GRM1: variants seen among roughly 807,000 people sequenced by gnomAD.
GRM1 encodes the protein metabotropic glutamate receptor 1.
In GRM1, 33 loss-of-function variants were observed where a neutral mutation model predicts 90.9. That is an observed-to-expected ratio of 0.36 (90% CI 0.28 to 0.49). GRM1 has a LOEUF of 0.49. GRM1 is among the 20% of genes least tolerant of loss of function. The pLI is 0.99. For synonymous variants in GRM1, 700 were observed against 613.2 expected, an observed-to-expected ratio of 1.14 and a Z score of -2.09; for missense variants, 1,190 against 1,534.3, an observed-to-expected ratio of 0.78 and a Z score of 3.75.
chr6:146,170,482 C>G lies in GRM1; in HGVS notation c.950+10885C>G, dbSNP rs552564462. On this transcript the variant is annotated intron_variant, in intron 2 of 7. Transcript: ENST00000282753. ...TTTTTATTGTTGTTCTATTTTCTGTCTGTTCTTTGGGTTTTGTAATCGTTA... is the reference window on the plus strand; with the variant it reads ...TTTTTATTGTTGTTCTATTTTCTGTGTGTTCTTTGGGTTTTGTAATCGTTA... Among the ~76,000 whole-genome samples, 7 of 152,072 alleles carry G rather than the reference C, an allele frequency of 4.6e-5. No homozygotes were observed. The South Asian group carries it at 1.2e-3, about 27-fold the overall frequency.
chr6:146,351,109 A>G (rs775846130), intron 3 of GRM1, among the ~76,000 whole-genome samples: 5 of 152,134 alleles, frequency 3.3e-5, no homozygotes, highest in African/African-American at 9.7e-5. Context: ...CATCCTAAAT[A>G]TTTCTCTGCT....
intron 3 of GRM1, among the ~76,000 whole-genome samples, chr6:146,306,539 T>G (rs935481944): frequency 1.3e-5 from 2 of 152,204 alleles, no homozygotes; most frequent in African/African-American, 4.8e-5. Context: ...TGTAATATCT[T>G]TGTAGTCAAA....
chr6:146,236,640 G>A (rs565472282), intron 2 of GRM1, among the ~76,000 whole-genome samples: 1 of 151,968 alleles, frequency 6.6e-6, no homozygotes, highest in South Asian at 2.1e-4. Flanking sequence ...CCTCCACAAG[G>A]GTGAGGGAAT....
At chr6:146,043,789 A>ATC (rs1333505151) in intron 1 of GRM1, among the ~76,000 whole-genome samples, 22 of 129,064 alleles carry the variant, frequency 1.7e-4, no homozygotes, top group African/African-American at 4.5e-4. Flanking sequence ...GGTGATATAT[A>ATC]TATATATATA....
chr6:146,258,852 C>T (rs774368672), intron 2 of GRM1, among the ~76,000 whole-genome samples: 4 of 152,280 alleles, frequency 2.6e-5, no homozygotes, highest in Non-Finnish European at 4.4e-5. Context: ...ACTAAATCCA[C>T]GACAGCAGGG....
intron 1 of GRM1, among the ~76,000 whole-genome samples, chr6:146,142,500 C>T (rs1239922604): frequency 1.3e-5 from 2 of 152,072 alleles, no homozygotes; most frequent in Non-Finnish European, 2.9e-5. Flanking sequence ...TTCCCCCAGG[C>T]CTGGGTGGAT....
intron 1 of GRM1, among the ~76,000 whole-genome samples, chr6:146,127,826 G>T (rs1351866711): frequency 6.6e-6 from 1 of 152,128 alleles, no homozygotes; most frequent in Non-Finnish European, 1.5e-5. Flanking sequence ...CCCAAATTTA[G>T]TGGTTTAAAT....
At chr6:146,371,754 A>G (rs1311783453) in intron 5 of GRM1, among the ~76,000 whole-genome samples, 1 of 152,060 alleles carries the variant, frequency 6.6e-6, no homozygotes, top group Non-Finnish European at 1.5e-5. Flanking sequence ...ACTTAACATA[A>G]TAATCTCAAG....
At chr6:146,128,113 T>A (rs1583041533) in intron 1 of GRM1, among the ~76,000 whole-genome samples, 1 of 152,026 alleles carries the variant, frequency 6.6e-6, no homozygotes, top group Non-Finnish European at 1.5e-5. Flanking sequence ...TATCCCTAGG[T>A]GTACAGGAAA....
chr6:146,409,558 G>C (rs557409401), intron 7 of GRM1, among the ~76,000 whole-genome samples: 5 of 152,132 alleles, frequency 3.3e-5, no homozygotes, highest in Admixed American at 3.3e-4. Context: ...TTTTGTTTTT[G>C]TTTTGTTTTG....
chr6:146,041,039 G>A (rs1791081923), intron 1 of GRM1, among the ~76,000 whole-genome samples: 1 of 151,264 alleles, frequency 6.6e-6, no homozygotes, highest in Admixed American at 6.6e-5. Flanking sequence ...TTAACCCTCT[G>A]ATGCATTTTT....
At chr6:146,255,888 A>G (rs77015067) in intron 2 of GRM1, among the ~76,000 whole-genome samples, 1,736 of 152,076 alleles carry the variant, frequency 0.011, 72 homozygotes, top group East Asian at 0.079. Flanking sequence ...TCACTCTTCA[A>G]TCTACTAAAA....
chr6:146,254,485 A>G (rs2114773102), intron 2 of GRM1, among the ~76,000 whole-genome samples: 1 of 152,322 alleles, frequency 6.6e-6, no homozygotes, highest in Non-Finnish European at 1.5e-5. Flanking sequence ...GATTTATTAA[A>G]TTGATGACTT....
At chr6:146,192,199 G>T (rs1728068262) in intron 2 of GRM1, among the ~76,000 whole-genome samples, 1 of 152,150 alleles carries the variant, frequency 6.6e-6, no homozygotes. Context: ...TAATGAGAAT[G>T]GTTATGGTAA....
At chr6:146,241,172 G>T (rs1436297975) in intron 2 of GRM1, among the ~76,000 whole-genome samples, 1 of 152,108 alleles carries the variant, frequency 6.6e-6, no homozygotes, top group Non-Finnish European at 1.5e-5. Context: ...GATTTTTGAG[G>T]GAAATGAGGA....
chr6:146,332,982 G>C (rs1054198975), intron 3 of GRM1, among the ~76,000 whole-genome samples: 1 of 152,038 alleles, frequency 6.6e-6, no homozygotes, highest in African/African-American at 2.4e-5. Flanking sequence ...CCCCATCCCT[G>C]TTACATTTCT....
intron 1 of GRM1, among the ~76,000 whole-genome samples, chr6:146,141,809 G>A (rs1776889381): frequency 6.6e-6 from 1 of 152,104 alleles, no homozygotes. Flanking sequence ...CTGAATTTCA[G>A]TGAGTTTCTT....
At chr6:146,145,929 C>G (rs1777077397) in intron 1 of GRM1, among the ~76,000 whole-genome samples, 1 of 151,976 alleles carries the variant, frequency 6.6e-6, no homozygotes, top group Non-Finnish European at 1.5e-5. Context: ...ACTCCCCTCA[C>G]TAGTGTGCAA....
chr6:146,215,490 C>T (rs1354415784), intron 2 of GRM1, among the ~76,000 whole-genome samples: 2 of 152,054 alleles, frequency 1.3e-5, no homozygotes, highest in Non-Finnish European at 2.9e-5. Flanking sequence ...CAAGAAGCAA[C>T]AAATAGATGT....
Sources: gnomAD v4.1 joint callset for allele counts (sites outside exome capture counted in the v4.1 genomes callset) on GRCh38, gnomAD v4.1.1 for gene constraint, MANE v1.5 for transcripts, NCBI Gene and HGNC (gene_info 2026-07-23, HGNC 2026-07-21) for gene names.